The following CACNA2D2 variants were observed in gnomAD, a reference collection of about 807,000 sequenced individuals.
CACNA2D2 encodes the protein calcium voltage-gated channel auxiliary subunit alpha2delta 2.
Under a neutral mutation model 166.4 loss-of-function variants are expected in CACNA2D2, and 48 were observed. The observed-to-expected ratio is 0.29, with a 90% CI of 0.23 to 0.37. The LOEUF (loss-of-function observed/expected upper bound fraction) is 0.37, where lower values mean the gene tolerates loss of function less well. CACNA2D2 is among the 10% of genes least tolerant of loss of function. The probability of loss-of-function intolerance (pLI) is 1.00; values close to 1 mark genes in which losing one functional copy is unlikely to be tolerated. For synonymous variants in CACNA2D2, 561 were observed against 573.7 expected, an observed-to-expected ratio of 0.98 and a Z score of 0.32; for missense variants, 1,122 against 1,433.0, an observed-to-expected ratio of 0.78 and a Z score of 3.50.
intron 2 of CACNA2D2, among the ~76,000 whole-genome samples, chr3:50,468,982 C>T (rs1033667961): frequency 2.0e-5 from 3 of 152,110 alleles, no homozygotes; most frequent in East Asian, 1.9e-4. Context: ...GCATGCACCA[C>T]CATGCCTAGC....
intron 1 of CACNA2D2, among the ~76,000 whole-genome samples, chr3:50,479,568 A>AG (rs1186409256): frequency 6.6e-6 from 1 of 152,242 alleles, no homozygotes; most frequent in Non-Finnish European, 1.5e-5. Context: ...AGAGGCCCTG[A>AG]GGGGGCCAGG....
chr3:50,468,975 T>C (rs1045744531), intron 2 of CACNA2D2, among the ~76,000 whole-genome samples: 5 of 152,018 alleles, frequency 3.3e-5, no homozygotes, highest in Non-Finnish European at 7.4e-5. Context: ...ATTACAGGCA[T>C]GCACCACCAT....
At chr3:50,415,414 A>G (rs1707224166) in intron 3 of CACNA2D2, among the ~76,000 whole-genome samples, 1 of 152,214 alleles carries the variant, frequency 6.6e-6, no homozygotes, top group Admixed American at 6.5e-5. Flanking sequence ...AGGGCTGCAG[A>G]TTCACCATCT....
intron 2 of CACNA2D2, among the ~76,000 whole-genome samples, chr3:50,441,872 C>T (rs1037279733): frequency 2.0e-5 from 3 of 152,210 alleles, no homozygotes; most frequent in Non-Finnish European, 4.4e-5. Flanking sequence ...GTTGCAGAAT[C>T]CAGCTCGGAA....
chr3:50,365,177 G>C lies in CACNA2D2; in HGVS notation c.3106C>G (p.His1036Asp). ...IDCGNCSRLFHAQRLTNTNLL... is the reference protein window; with the variant it reads ...IDCGNCSRLFDAQRLTNTNLL... Reference sequence around the variant, plus strand: ...TTGGTGTTGGTCAGTCTCTGCGCGTGGAACAGCCTGCGGGCAGCCCGGAAA... The same window carrying C: ...TTGGTGTTGGTCAGTCTCTGCGCGTCGAACAGCCTGCGGGCAGCCCGGAAA... Residue 1036 changes from histidine to aspartate, a missense_variant, in exon 36 of 38, where the codon CAC becomes GAC. His to Asp is a moderately conservative substitution (Grantham distance 81). Transcript: ENST00000424201. The surrounding 1 kb of genome is among the most constrained non-coding windows in gnomAD (Gnocchi z 4.5). The C allele has an allele frequency of 6.2e-7, 1 of 1,612,036 alleles. No homozygotes were observed. The highest frequency in any genetic ancestry group is 1.3e-5 in the African/African-American group (1 of 74,990).
chr3:50,489,817 C>T (rs2107151941), intron 1 of CACNA2D2, among the ~76,000 whole-genome samples: 1 of 152,314 alleles, frequency 6.6e-6, no homozygotes, highest in Non-Finnish European at 1.5e-5. Flanking sequence ...GCAGGGGAGC[C>T]TGGGGGCCTG....
chr3:50,502,184 T>C (rs1398312639), intron 1 of CACNA2D2, among the ~76,000 whole-genome samples: 3 of 152,128 alleles, frequency 2.0e-5, no homozygotes, highest in Non-Finnish European at 2.9e-5. Flanking sequence ...CCCTTCCCCT[T>C]GGCCACCAGC....
intron 3 of CACNA2D2, among the ~76,000 whole-genome samples, chr3:50,430,210 G>C (rs1234648075): frequency 6.6e-6 from 1 of 152,138 alleles, no homozygotes. Context: ...CCTAGCCCTG[G>C]GCTTCCCTTT....
rs1489036508 is a variant in CACNA2D2, at chr3:50,379,295, T to TC, written c.1153-97dup. On this transcript the variant is annotated intron_variant, in intron 11 of 37. Coordinates refer to ENST00000424201, the MANE Select transcript of CACNA2D2 (RefSeq NM_006030.4). The surrounding 1 kb of genome is among the most constrained non-coding windows in gnomAD (Gnocchi z 6.5). ...AGTGGGCCTGGACCTCTGGCCCTCC[T>TC]CCCCCACAGCAGATGGAGCTATCTG... 3 of 1,439,932 alleles carry TC rather than the reference T, an allele frequency of 2.1e-6. No individual in the cohort carries two copies. In the African/African-American group the frequency reaches 4.2e-5, roughly 20 times the overall value. The allele number at this position is 1,439,932 out of a possible 1,614,324, so 89.2% of individuals were successfully genotyped here. A position where few individuals can be genotyped will look rare whatever the true frequency, so the allele number is the denominator to read the frequency against.
chr3:50,472,765 C>T (rs1215378386), intron 2 of CACNA2D2, among the ~76,000 whole-genome samples: 1 of 152,160 alleles, frequency 6.6e-6, no homozygotes, highest in Non-Finnish European at 1.5e-5. Flanking sequence ...ACATCCTCCC[C>T]ACCCCCATTC....
chr3:50,441,832 C>T (rs6770258), intron 2 of CACNA2D2, among the ~76,000 whole-genome samples: 13,186 of 152,276 alleles, frequency 0.087, 1,737 homozygotes, highest in African/African-American at 0.28. Flanking sequence ...GGTCCTTTCT[C>T]CAAGGTTCCT....
intron 4 of CACNA2D2, among the ~76,000 whole-genome samples, chr3:50,393,872 C>T (rs976622876): frequency 2.0e-5 from 3 of 152,218 alleles, no homozygotes; most frequent in Non-Finnish European, 4.4e-5. Flanking sequence ...AAGCAGCCTT[C>T]CCACTCACGG....
rs530024399 is a variant in CACNA2D2, at chr3:50,403,814, C to T, written c.406-9646G>A. On this transcript the variant is annotated intron_variant, in intron 3 of 37. Coordinates refer to ENST00000424201, the MANE Select transcript of CACNA2D2 (RefSeq NM_006030.4). The stretch of plus-strand genomic sequence containing the variant: ...AGCCTGGAGTGTCCTTTCTCATCCC[C>T]TCCCCTGGCTAGCTCCTCCTCATCC... Among the ~76,000 whole-genome samples the T allele has an allele frequency of 3.9e-5, 6 of 152,346 alleles. No homozygotes were observed. The East Asian group carries it at 7.7e-4, about 20-fold the overall frequency.
intron 3 of CACNA2D2, among the ~76,000 whole-genome samples, chr3:50,401,771 C>G (rs1284333301): frequency 6.6e-6 from 1 of 151,838 alleles, no homozygotes; most frequent in African/African-American, 2.4e-5. Flanking sequence ...TGCAGTGGTG[C>G]GATCTGAGCT....
chr3:50,493,839 T>C (rs921368986), intron 1 of CACNA2D2, among the ~76,000 whole-genome samples: 7 of 152,066 alleles, frequency 4.6e-5, no homozygotes, highest in African/African-American at 4.8e-5. Flanking sequence ...TCAGGAAGGC[T>C]CCTGCCCCAG....
At chr3:50,476,076 G>C in intron 2 of CACNA2D2, 42 bp downstream of exon 2, 1 of 1,490,818 alleles carries the variant, frequency 6.7e-7, no homozygotes, top group Middle Eastern at 1.7e-4. Context: ...CCTTCCCTTG[G>C]AAGAGGGTCC....
At chr3:50,399,390 A>T (rs1027165479) in intron 3 of CACNA2D2, among the ~76,000 whole-genome samples, 130 of 152,318 alleles carry the variant, frequency 8.5e-4, no homozygotes, top group Non-Finnish European at 1.2e-3. Flanking sequence ...GCTTAGAAGA[A>T]AAGGCTCTGA....
rs867872081 is a variant in CACNA2D2, at chr3:50,384,115, C to T, written c.652+81G>A. 8.9e-5 allele frequency: 139 copies of T among 1,563,842 alleles called. 1 individual carries two copies. The Middle Eastern group carries it at 2.9e-3, about 33-fold the overall frequency. ...GTAGATGGCACTGGCCTTCTGTCCC[C>T]AGGGACTCTGGAATGCCCTGGCAGT... On this transcript the variant is annotated intron_variant, in intron 6 of 37. Transcript: ENST00000424201.
At chr3:50,440,607 C>CA (rs1168699512) in intron 2 of CACNA2D2, among the ~76,000 whole-genome samples, 1 of 152,248 alleles carries the variant, frequency 6.6e-6, no homozygotes, top group African/African-American at 2.4e-5. Context: ...AATCAGCCTG[C>CA]ACGGGCTACA....
Sources: allele counts gnomAD v4.1 joint callset (sites outside exome capture counted in the v4.1 genomes callset), GRCh38; gene constraint gnomAD v4.1.1; non-coding constraint Gnocchi (gnomAD v3.1); transcripts MANE v1.5; gene names NCBI Gene and HGNC (gene_info 2026-07-23, HGNC 2026-07-21).